Variants in BFSP2 observed in about 807,000 individuals in gnomAD.
BFSP2 encodes the protein beaded filament structural protein 2.
BFSP2 carries 38 observed loss-of-function variants against 44.9 expected under a neutral mutation model. The ratio of observed to expected loss-of-function variants is 0.85; its 90% CI spans 0.65 to 1.11. BFSP2 has a LOEUF of 1.11. Ranked by LOEUF, BFSP2 falls within the 50% of genes least tolerant of loss-of-function variation. The pLI, the probability that BFSP2 is intolerant of heterozygous loss-of-function variation, is 0.00. For synonymous variants in BFSP2, 197 were observed against 209.9 expected (o/e 0.94, Z 0.53); for missense variants, 525 against 533.0 (o/e 0.99, Z 0.15).
rs115322938 is a variant in BFSP2, at chr3:133,472,829, G to A, written c.1244+264G>A. On this transcript the variant is annotated intron_variant, in intron 6 of 6. Coordinates refer to ENST00000302334, the MANE Select transcript of BFSP2 (RefSeq NM_003571.4). ...TATACACACATACATTCACATACAT[G>A]TGTATACCTAGGACGTACATAATAG... 0.018 allele frequency among the ~76,000 whole-genome samples: 2,669 copies of A among 152,108 alleles called. 28 individuals are homozygous for A. Among genetic ancestry groups the A allele is most frequent in the Middle Eastern group, 0.062 (18 of 292 alleles).
At chr3:133,447,074 T>C (rs2073909388) in intron 1 of BFSP2, among the ~76,000 whole-genome samples, 1 of 152,160 alleles carries the variant, frequency 6.6e-6, no homozygotes, top group Admixed American at 6.5e-5. Flanking sequence ...TGAATAGTCT[T>C]TTTGTGCCAA....
intron 1 of BFSP2, among the ~76,000 whole-genome samples, chr3:133,408,885 A>G (rs1048009197): frequency 2.6e-5 from 4 of 152,248 alleles, no homozygotes; most frequent in African/African-American, 9.6e-5. Flanking sequence ...GGTGGAGGGG[A>G]AAAAGTAGCA....
intron 1 of BFSP2, among the ~76,000 whole-genome samples, chr3:133,434,494 C>T (rs2073761544): frequency 6.6e-6 from 1 of 152,054 alleles, no homozygotes; most frequent in Non-Finnish European, 1.5e-5. Context: ...AACACTTCAA[C>T]ACCATTTTAT....
At chr3:133,410,067 C>A in intron 1 of BFSP2, 1 of 194,088 alleles carries the variant, frequency 5.2e-6, no homozygotes, top group Non-Finnish European at 1.1e-5. Context: ...TTTGCTGAGC[C>A]ATACAAAACT....
intron 5 of BFSP2, among the ~76,000 whole-genome samples, chr3:133,471,048 G>T (rs1217869303): frequency 6.6e-6 from 1 of 152,222 alleles, no homozygotes; most frequent in Non-Finnish European, 1.5e-5. Context: ...GACTGGAAGT[G>T]TTGATGCTGC....
intron 1 of BFSP2, among the ~76,000 whole-genome samples, chr3:133,414,520 C>A (rs2107884709): frequency 9.2e-6 from 1 of 108,120 alleles, no homozygotes. Flanking sequence ...CCTCTACCTG[C>A]CCCTGCCCTC....
chr3:133,442,329 G>GT (rs1181034867), intron 1 of BFSP2, among the ~76,000 whole-genome samples: 2 of 151,942 alleles, frequency 1.3e-5, no homozygotes, highest in Non-Finnish European at 2.9e-5. Context: ...GTTTTGTTTT[G>GT]TTTTTTGGAG....
chr3:133,425,913 G>GGGCAAGGGAAGGCTAGGGAA (rs1553779114), intron 1 of BFSP2, among the ~76,000 whole-genome samples: 2,101 of 48,218 alleles, frequency 0.044, 477 homozygotes, highest in African/African-American at 0.2. Flanking sequence ...AGAGAAAGGA[G>GGGCAAGGGAAGGCTAGGGAA]GGCAAGGGAA....
At chr3:133,436,256 G>C (rs1169649154) in intron 1 of BFSP2, among the ~76,000 whole-genome samples, 1 of 150,272 alleles carries the variant, frequency 6.7e-6, no homozygotes, top group Non-Finnish European at 1.5e-5. Context: ...AACCCAGGAG[G>C]TGGAGCTTGC....
In BFSP2 at chr3:133,433,871, G is replaced by A. The variant is rs147990632; in HGVS notation, c.490-13446G>A. Among the ~76,000 whole-genome samples, 480 of 152,224 alleles carry A rather than the reference G, an allele frequency of 3.2e-3. 11 individuals are homozygous for A. The East Asian group carries it at 0.054, about 17-fold the overall frequency. Reference sequence around the variant, plus strand: ...AGGCCTGTCCTCGGAATGCTACAAGGTACAGCCCATTTAAGCTCCCGTATA... The same window carrying A: ...AGGCCTGTCCTCGGAATGCTACAAGATACAGCCCATTTAAGCTCCCGTATA... On this transcript the variant is annotated intron_variant, in intron 1 of 6. Transcript: ENST00000302334.
intron 1 of BFSP2, among the ~76,000 whole-genome samples, chr3:133,438,245 G>A (rs1481026397): frequency 6.6e-6 from 1 of 152,226 alleles, no homozygotes. Context: ...GAAACAGTAA[G>A]GCCAGGCACG....
intron 5 of BFSP2, among the ~76,000 whole-genome samples, chr3:133,468,138 G>A (rs1324156720): frequency 6.6e-6 from 1 of 152,180 alleles, no homozygotes; most frequent in Non-Finnish European, 1.5e-5. Context: ...TGTACCAAGT[G>A]CTTTGGAGAC....
chr3:133,448,658 TG>T lies in BFSP2; in HGVS notation c.729+17del. The T allele has an allele frequency of 6.2e-7, 1 of 1,609,722 alleles. No individual in the cohort carries two copies. The highest frequency in any genetic ancestry group is 1.3e-5 in the African/African-American group (1 of 74,946). On this transcript the variant is annotated intron_variant, in intron 3 of 6. Transcript: ENST00000302334. ...AAACTATGAAGAGGTAGGAGGGGGC[TG>T]GGGTTGCTGGGTTGGCCACAAGACC...
chr3:133,474,971 G>A lies in BFSP2; in HGVS notation c.1247G>A (p.Ter416=). 2 of 1,614,186 alleles carry A rather than the reference G, an allele frequency of 1.2e-6. No individual in the cohort carries two copies. The highest frequency in any genetic ancestry group is 1.7e-5 in the Admixed American group (1 of 60,016). ...GACTCCTATGTGTTTCCTTTCAGCT[G>A]ATGGAGAAACTTCCTCTTTTTCATG... ...HALLDREESG[*] is the part of the protein sequence containing the mutation. Residue 416 remains the stop codon, a splice_region_variant and stop_retained_variant, in exon 7 of 7, where the codon TGA becomes TAA. Transcript: ENST00000302334.
chr3:133,470,546 G>T (rs2074152596), intron 5 of BFSP2, among the ~76,000 whole-genome samples: 2 of 152,208 alleles, frequency 1.3e-5, no homozygotes, highest in South Asian at 4.1e-4. Flanking sequence ...TTTTAAAGGG[G>T]TTTATTGATT....
intron 1 of BFSP2, among the ~76,000 whole-genome samples, chr3:133,435,981 C>T (rs2073777413): frequency 6.6e-6 from 1 of 152,138 alleles, no homozygotes; most frequent in South Asian, 2.1e-4. Flanking sequence ...AAACTGATGT[C>T]TTATACTTCT....
intron 1 of BFSP2, chr3:133,429,777 T>A (rs1442727792): frequency 1.3e-5 from 2 of 152,004 alleles, no homozygotes; most frequent in Admixed American, 6.6e-5. Context: ...TATTATACTT[T>A]AAGTTTTAGG....
intron 1 of BFSP2, among the ~76,000 whole-genome samples, chr3:133,411,581 A>G (rs1576558606): frequency 6.6e-6 from 1 of 152,286 alleles, no homozygotes; most frequent in African/African-American, 2.4e-5. Context: ...TAAAACTACT[A>G]ATTTACAGAA....
chr3:133,431,936 A>T (rs1057464432), intron 1 of BFSP2, among the ~76,000 whole-genome samples: 3 of 151,880 alleles, frequency 2.0e-5, no homozygotes, highest in Non-Finnish European at 4.4e-5. Flanking sequence ...TTACAGCCGC[A>T]TCTCATTGCC....
Sources: gnomAD v4.1 joint callset for allele counts (sites outside exome capture counted in the v4.1 genomes callset) on GRCh38, gnomAD v4.1.1 for gene constraint, MANE v1.5 for transcripts, NCBI Gene and HGNC (gene_info 2026-07-23, HGNC 2026-07-21) for gene names.